PDHX: variants seen among roughly 807,000 people sequenced by gnomAD.
The protein encoded by PDHX is pyruvate dehydrogenase protein X component, mitochondrial.
In PDHX, 33 loss-of-function variants were observed where a neutral mutation model predicts 55.3. The observed-to-expected ratio is 0.60, with a 90% CI of 0.45 to 0.80. The LOEUF (loss-of-function observed/expected upper bound fraction) is 0.80. PDHX is among the 30% of genes least tolerant of loss of function. PDHX has a pLI of 0.00. For synonymous variants in PDHX, 226 were observed against 219.4 expected (o/e 1.03, Z -0.27); for missense variants, 622 against 619.9 (o/e 1.00, Z -0.04).
At chr11:34,986,857 C>T (rs1325389176) in intron 9 of PDHX, among the ~76,000 whole-genome samples, 6 of 152,258 alleles carry the variant, frequency 3.9e-5, no homozygotes, top group South Asian at 2.1e-4. Flanking sequence ...TATGGCTGCC[C>T]GTTAGCTTCT....
At chr11:34,982,521 G>A (rs1023846128) in intron 8 of PDHX, among the ~76,000 whole-genome samples, 1 of 151,992 alleles carries the variant, frequency 6.6e-6, no homozygotes, top group African/African-American at 2.4e-5. Flanking sequence ...TTGATAGACT[G>A]CTAGCAAGAC....
chr11:34,932,494 C>G (rs989325857), intron 2 of PDHX, among the ~76,000 whole-genome samples: 4 of 152,158 alleles, frequency 2.6e-5, no homozygotes, highest in African/African-American at 9.7e-5. Context: ...CCTAACCTTT[C>G]AACTGGTAAG....
At chr11:34,964,509 C>A (rs977528598) in intron 5 of PDHX, among the ~76,000 whole-genome samples, 1 of 152,068 alleles carries the variant, frequency 6.6e-6, no homozygotes, top group African/African-American at 2.4e-5. Flanking sequence ...GAGGCTGAGG[C>A]ATGAGAATCT....
Position 34,966,824 on chromosome 11 carries a change from T to C in PDHX, c.816+10T>C, listed in dbSNP as rs1855146172. ...ACAACCCAATGCAGTGGTAGTGTTC[T>C]CTAAGTGGATTTTTATTTCTTTTTC... On this transcript the variant is annotated intron_variant, in intron 6 of 10. Transcript: ENST00000227868. 6.2e-7 allele frequency: 1 copy of C among 1,607,798 alleles called. No homozygotes were observed. The highest frequency in any genetic ancestry group is 1.1e-5 in the South Asian group (1 of 90,948).
intron 2 of PDHX, among the ~76,000 whole-genome samples, chr11:34,943,371 T>G (rs548358329): frequency 1.3e-5 from 2 of 152,286 alleles, no homozygotes; most frequent in East Asian, 3.9e-4. Context: ...TAAAGTGTGG[T>G]TGGAATTTGA....
chr11:34,927,651 G>A (rs17349298), intron 1 of PDHX, among the ~76,000 whole-genome samples: 1 of 151,794 alleles, frequency 6.6e-6, no homozygotes, highest in Non-Finnish European at 1.5e-5. Flanking sequence ...ATCAAAAGAG[G>A]GTATGCTAGA....
At chr11:34,971,529 T>A (rs1466609226) in intron 7 of PDHX, among the ~76,000 whole-genome samples, 1 of 152,196 alleles carries the variant, frequency 6.6e-6, no homozygotes, top group Non-Finnish European at 1.5e-5. Context: ...AAATACTTTT[T>A]GTGCATCTTT....
intron 2 of PDHX, among the ~76,000 whole-genome samples, chr11:34,943,706 C>T (rs562267107): frequency 2.5e-4 from 38 of 152,254 alleles, no homozygotes; most frequent in African/African-American, 8.9e-4. Flanking sequence ...TACTATTTGC[C>T]AGTTTCTCTG....
chr11:34,966,709 C>G lies in PDHX; in HGVS notation c.711C>G (p.Pro237=), dbSNP rs200018992. Residue 237 remains proline (P), a synonymous_variant, in exon 6 of 11, where the codon CCC becomes CCG. Transcript: ENST00000227868. The stretch of plus-strand genomic sequence containing the variant: ...CCGAGTCCAGACCAACTCCAGCCCC[C>G]ACAGCCACTCCCACAGCACCTTCGC... ...KITESRPTPA[P]TATPTAPSPL... 2 of 1,614,018 alleles carry G rather than the reference C, an allele frequency of 1.2e-6. No homozygotes were observed. Among genetic ancestry groups the G allele is most frequent in the East Asian group, 2.2e-5 (1 of 44,888 alleles).
rs1419514171 is a variant in PDHX, at chr11:34,957,432, A to T, written c.391A>T (p.Ile131Leu). ...ACGGCTAGGTTCACTAATTGGTTTG[A>T]TAGTAGAAGAAGGAGAAGATTGGAA... is the stretch of plus-strand genomic sequence containing the variant. ...NIRLGSLIGL[I>L]VEEGEDWKHV... is the part of the protein sequence containing the mutation. The change falls in exon 4 of 11, where the codon ATA becomes TTA. Residue 131 changes from isoleucine (I) to leucine (L), a missense_variant. Transcript: ENST00000227868. The T allele has an allele frequency of 1.9e-6, 3 of 1,613,442 alleles. No individual in the cohort carries two copies. In the Admixed American group the frequency reaches 5.0e-5, roughly 27 times the overall value.
intron 1 of PDHX, among the ~76,000 whole-genome samples, chr11:34,918,279 A>G (rs1853787432): frequency 6.6e-6 from 1 of 151,168 alleles, no homozygotes; most frequent in Non-Finnish European, 1.5e-5. Flanking sequence ...CTCTACTTAA[A>G]AAAAAAAAAA....
chr11:34,929,864 A>G (rs961665778), intron 1 of PDHX, among the ~76,000 whole-genome samples: 2 of 152,154 alleles, frequency 1.3e-5, no homozygotes, highest in Admixed American at 6.5e-5. Flanking sequence ...GTGCCAGTTG[A>G]GAGAGAGAAA....
At chr11:34,994,888 T>C in intron 10 of PDHX, 26 bp from the exon 11 acceptor site, 1 of 1,613,624 alleles carries the variant, frequency 6.2e-7, no homozygotes, top group Non-Finnish European at 8.5e-7. Context: ...ACATGCCTCC[T>C]TCAGAGCTTT....
intron 2 of PDHX, among the ~76,000 whole-genome samples, chr11:34,946,228 A>G (rs1015478721): frequency 1.3e-5 from 2 of 151,648 alleles, no homozygotes; most frequent in Non-Finnish European, 2.9e-5. Context: ...TATTTCAATT[A>G]CTTAATTTTT....
chr11:34,944,609 GA>G (rs1854579871), intron 2 of PDHX, among the ~76,000 whole-genome samples: 1 of 152,148 alleles, frequency 6.6e-6, no homozygotes, highest in Non-Finnish European at 1.5e-5. Context: ...GGTACACAAT[GA>G]AGTACTTTCT....
intron 7 of PDHX, among the ~76,000 whole-genome samples, chr11:34,971,332 TC>T (rs1458244929): frequency 1.3e-5 from 2 of 152,130 alleles, no homozygotes; most frequent in Non-Finnish European, 2.9e-5. Context: ...GACTAGGACC[TC>T]TGTCTGGTAT....
At chr11:34,941,897 C>A in intron 2 of PDHX, 1 of 154,238 alleles carries the variant, frequency 6.5e-6, no homozygotes, top group South Asian at 2.0e-4. Context: ...CCTCCTGGGG[C>A]CCGCACTCTC....
intron 7 of PDHX, among the ~76,000 whole-genome samples, chr11:34,972,395 A>ATTTT (rs35664323): frequency 2.1e-5 from 3 of 145,846 alleles, no homozygotes; most frequent in Non-Finnish European, 3.0e-5. Context: ...ACAAATGTTG[A>ATTTT]TTTTTTTTTT....
intron 9 of PDHX, among the ~76,000 whole-genome samples, chr11:34,987,217 G>A (rs549851726): frequency 5.9e-4 from 89 of 151,678 alleles, no homozygotes; most frequent in East Asian, 1.2e-3. Context: ...TTTTTCTCCC[G>A]CAAAGTTACC....
Sources: gnomAD v4.1 joint callset for allele counts (sites outside exome capture counted in the v4.1 genomes callset) on GRCh38, gnomAD v4.1.1 for gene constraint, MANE v1.5 for transcripts, NCBI Gene and HGNC (gene_info 2026-07-23, HGNC 2026-07-21) for gene names.